Variants in FOXJ3 observed in about 807,000 individuals in gnomAD.
FOXJ3 encodes the protein forkhead box protein J3.
A neutral mutation model predicts 76.1 loss-of-function variants in FOXJ3; 22 were observed. The observed-to-expected ratio is 0.29, with a 90% CI of 0.21 to 0.41. The LOEUF is 0.41. Ranked by LOEUF, FOXJ3 falls within the 10% of genes least tolerant of loss-of-function variation. The pLI is 1.00. For synonymous variants in FOXJ3, 269 were observed against 261.2 expected, an observed-to-expected ratio of 1.03 and a Z score of -0.29; for missense variants, 613 against 762.1, an observed-to-expected ratio of 0.80 and a Z score of 2.30.
At chr1:42,315,290 A>G in intron 1 of FOXJ3, 5 of 372,802 alleles carry the variant, frequency 1.3e-5, no homozygotes, top group Non-Finnish European at 1.9e-5. Flanking sequence ...GAATACATTA[A>G]AAACTACTGA....
intron 2 of FOXJ3, among the ~76,000 whole-genome samples, chr1:42,307,471 T>A (rs1654538912): frequency 6.6e-6 from 1 of 152,220 alleles, no homozygotes; most frequent in South Asian, 2.1e-4. Context: ...ATACTTTAGT[T>A]TTGTTTTTAT....
At chr1:42,291,967 G>A (rs879775494) in intron 2 of FOXJ3, among the ~76,000 whole-genome samples, 4 of 152,144 alleles carry the variant, frequency 2.6e-5, no homozygotes, top group Non-Finnish European at 4.4e-5. Context: ...AGGAGGACGG[G>A]AGCAGGCTCA....
At chr1:42,332,505 C>A (rs529960943) in intron 1 of FOXJ3, among the ~76,000 whole-genome samples, 1 of 152,216 alleles carries the variant, frequency 6.6e-6, no homozygotes, top group South Asian at 2.1e-4. Flanking sequence ...TTATATCAGA[C>A]CCTCATCAGC....
intron 4 of FOXJ3, among the ~76,000 whole-genome samples, chr1:42,248,260 C>A (rs766004387): frequency 3.3e-5 from 5 of 152,080 alleles, no homozygotes; most frequent in Non-Finnish European, 7.4e-5. Flanking sequence ...ATTGGCCGGG[C>A]GTGGTGGCTC....
chr1:42,206,440 A>G (rs1646863502), intron 5 of FOXJ3, among the ~76,000 whole-genome samples: 1 of 152,316 alleles, frequency 6.6e-6, no homozygotes, highest in African/African-American at 2.4e-5. Flanking sequence ...ATACCCTGGG[A>G]AAATACCGGA....
At chr1:42,265,309 A>C in intron 3 of FOXJ3, 120 bp from the exon 4 acceptor site, 1 of 553,668 alleles carries the variant, frequency 1.8e-6, no homozygotes, top group Non-Finnish European at 3.2e-6. Flanking sequence ...CAAATGGAAT[A>C]AACTTTTTAA....
rs138978215 is a variant in FOXJ3, at chr1:42,184,700, C to G, written c.1646-2676G>C. Among the ~76,000 whole-genome samples the G allele has an allele frequency of 1.7e-3, 254 of 152,002 alleles. 3 individuals carry two copies. The highest frequency in any genetic ancestry group is 5.9e-3 in the African/African-American group (243 of 41,370). On this transcript the variant is annotated intron_variant, in intron 11 of 12. Coordinates refer to ENST00000361346, the MANE Select transcript of FOXJ3 (RefSeq NM_014947.5). Reference sequence around the variant, plus strand: ...TATGTAACATGCTATGGAAAAAAAGCAGAGAGAGAGAACAAGGACTGCTGA... The same window carrying G: ...TATGTAACATGCTATGGAAAAAAAGGAGAGAGAGAGAACAAGGACTGCTGA...
At chr1:42,189,103 T>C (rs1479008838) in intron 10 of FOXJ3, 175 bp from the exon 11 acceptor site, 1 of 616,916 alleles carries the variant, frequency 1.6e-6, no homozygotes, top group Non-Finnish European at 2.7e-6. Flanking sequence ...CCCAATTATT[T>C]TAAATGTGGT....
chr1:42,235,754 G>A (rs566585160), intron 4 of FOXJ3, among the ~76,000 whole-genome samples: 16 of 152,174 alleles, frequency 1.1e-4, no homozygotes, highest in African/African-American at 3.6e-4. Context: ...GTTGAGACGA[G>A]GTTTCACCAT....
At chr1:42,292,446 T>C (rs143369456) in intron 2 of FOXJ3, among the ~76,000 whole-genome samples, 2 of 152,238 alleles carry the variant, frequency 1.3e-5, no homozygotes, top group African/African-American at 4.8e-5. Context: ...AAACAAACTG[T>C]TGTGAATATA....
intron 2 of FOXJ3, among the ~76,000 whole-genome samples, chr1:42,288,762 T>C (rs576058085): frequency 3.5e-4 from 37 of 105,604 alleles, no homozygotes; most frequent in African/African-American, 8.9e-4. Context: ...GTGTGTGATA[T>C]CACAACAGAT....
chr1:42,241,748 G>C (rs911936173), intron 4 of FOXJ3, among the ~76,000 whole-genome samples: 10 of 152,150 alleles, frequency 6.6e-5, no homozygotes, highest in South Asian at 4.1e-4. Context: ...GGGGAATGAG[G>C]ACACACCACC....
At chr1:42,237,142 G>A (rs576039087) in intron 4 of FOXJ3, among the ~76,000 whole-genome samples, 4 of 152,084 alleles carry the variant, frequency 2.6e-5, no homozygotes, top group East Asian at 1.9e-4. Context: ...CTCGGAGGCC[G>A]AGGGGGGTGG....
At chr1:42,224,415 A>G (rs889789116) in intron 5 of FOXJ3, among the ~76,000 whole-genome samples, 1 of 152,174 alleles carries the variant, frequency 6.6e-6, no homozygotes, top group African/African-American at 2.4e-5. Flanking sequence ...GGGGACAGGT[A>G]AGTATTCCAG....
At chr1:42,297,577 A>G (rs1653868311) in intron 2 of FOXJ3, among the ~76,000 whole-genome samples, 1 of 152,200 alleles carries the variant, frequency 6.6e-6, no homozygotes, top group Admixed American at 6.5e-5. Context: ...ATTGATTTGC[A>G]TATGCTTAAA....
chr1:42,270,859 T>G (rs1436486305), intron 3 of FOXJ3, among the ~76,000 whole-genome samples: 1 of 152,224 alleles, frequency 6.6e-6, no homozygotes, highest in Non-Finnish European at 1.5e-5. Flanking sequence ...TATGTAATTT[T>G]TATTTAAAGC....
At chr1:42,290,540 C>A (rs1433994234) in intron 2 of FOXJ3, among the ~76,000 whole-genome samples, 1 of 152,150 alleles carries the variant, frequency 6.6e-6, no homozygotes, top group Non-Finnish European at 1.5e-5. Flanking sequence ...CTTATACTTA[C>A]CCAGACTCTA....
intron 1 of FOXJ3, chr1:42,315,509 A>C (rs1324894981): frequency 2.1e-6 from 1 of 480,618 alleles, no homozygotes; most frequent in Non-Finnish European, 2.7e-6. Flanking sequence ...TTTACTATCA[A>C]ATTCTAACTT....
intron 5 of FOXJ3, among the ~76,000 whole-genome samples, chr1:42,213,486 G>T (rs1370475547): frequency 7.2e-6 from 1 of 138,708 alleles, no homozygotes; most frequent in African/African-American, 2.7e-5. Flanking sequence ...AAAAAAAAAA[G>T]ACACGATTAT....
Sources: allele counts gnomAD v4.1 joint callset (sites outside exome capture counted in the v4.1 genomes callset), GRCh38; gene constraint gnomAD v4.1.1; transcripts MANE v1.5; gene names NCBI Gene and HGNC (gene_info 2026-07-23, HGNC 2026-07-21).